The following SH3RF3 variants were observed in gnomAD, a reference collection of about 807,000 sequenced individuals.
The protein encoded by SH3RF3 is E3 ubiquitin-protein ligase SH3RF3.
A neutral mutation model predicts 66.3 loss-of-function variants in SH3RF3; 29 were observed. The ratio of observed to expected loss-of-function variants is 0.44; its 90% CI spans 0.33 to 0.60. SH3RF3 has a LOEUF of 0.60. Among genes scored for constraint, SH3RF3 ranks in the 20% least tolerant of loss-of-function variants. The probability of loss-of-function intolerance (pLI) is 0.04; values close to 1 mark genes in which losing one functional copy is unlikely to be tolerated. For missense variants in SH3RF3, 1,194 were observed against 1,190.9 expected (o/e 1.00, Z -0.04); for synonymous variants, 583 against 532.0 (o/e 1.10, Z -1.32).
chr2:109,199,583 G>GAACCCGTGT (rs1678602807), intron 1 of SH3RF3, among the ~76,000 whole-genome samples: 1 of 238 alleles, frequency 4.2e-3, no homozygotes, highest in African/African-American at 0.014. Context: ...GGAATGGAAT[G>GAACCCGTGT]GAATGGAATG....
At chr2:109,197,956 G>A (rs1471507851) in intron 1 of SH3RF3, among the ~76,000 whole-genome samples, 3 of 152,230 alleles carry the variant, frequency 2.0e-5, no homozygotes, top group East Asian at 3.8e-4. Context: ...TGGCATCTGG[G>A]TGAGGCCCAG....
chr2:109,470,843 C>T (rs2104723078), intron 8 of SH3RF3, among the ~76,000 whole-genome samples: 1 of 152,370 alleles, frequency 6.6e-6, no homozygotes. Context: ...CATTTCATTC[C>T]TTCTTCCTCA....
chr2:109,178,866 A>G (rs1311107104), intron 1 of SH3RF3, among the ~76,000 whole-genome samples: 1 of 152,250 alleles, frequency 6.6e-6, no homozygotes, highest in Non-Finnish European at 1.5e-5. Context: ...TTAATAAATG[A>G]ATTAAATGAT....
intron 2 of SH3RF3, among the ~76,000 whole-genome samples, chr2:109,363,231 C>CT (rs1683087600): frequency 6.6e-6 from 1 of 151,858 alleles, no homozygotes; most frequent in Non-Finnish European, 1.5e-5. Flanking sequence ...AGTTGTACCT[C>CT]TTTTTTTACT....
chr2:109,321,729 A>G (rs1268221818), intron 1 of SH3RF3, among the ~76,000 whole-genome samples: 1 of 152,234 alleles, frequency 6.6e-6, no homozygotes, highest in African/African-American at 2.4e-5. Context: ...ACTCAAGTAT[A>G]GACAGATTTT....
chr2:109,360,212 C>T (rs1017129480), intron 2 of SH3RF3, among the ~76,000 whole-genome samples: 1 of 152,160 alleles, frequency 6.6e-6, no homozygotes, highest in Non-Finnish European at 1.5e-5. Context: ...CTTAGTTACT[C>T]TGAACATGTA....
intron 1 of SH3RF3, among the ~76,000 whole-genome samples, chr2:109,226,498 A>ACTACATAAGAC (rs1245931756): frequency 6.6e-6 from 1 of 152,160 alleles, no homozygotes; most frequent in Non-Finnish European, 1.5e-5. Flanking sequence ...ATAAACCAAA[A>ACTACATAAGAC]ATAAACTGTA....
At chr2:109,436,805 C>G (rs1677412655) in intron 6 of SH3RF3, 88 bp from the exon 7 acceptor site, 1 of 1,500,172 alleles carries the variant, frequency 6.7e-7, no homozygotes, top group South Asian at 1.3e-5. Flanking sequence ...TTAAAGCCAG[C>G]AGGTCAGAGC....
At chr2:109,284,162 G>C (rs1008110830) in intron 1 of SH3RF3, among the ~76,000 whole-genome samples, 1 of 152,196 alleles carries the variant, frequency 6.6e-6, no homozygotes, top group African/African-American at 2.4e-5. Context: ...ACAGAGGGGC[G>C]GTCCCAGGGG....
chr2:109,260,395 C>G (rs556331801), intron 1 of SH3RF3, among the ~76,000 whole-genome samples: 1 of 152,294 alleles, frequency 6.6e-6, no homozygotes, highest in African/African-American at 2.4e-5. Flanking sequence ...ACCACCAAAG[C>G]AGGAGAGCAG....
chr2:109,219,049 C>T (rs1420464344), intron 1 of SH3RF3, among the ~76,000 whole-genome samples: 1 of 152,026 alleles, frequency 6.6e-6, no homozygotes, highest in Non-Finnish European at 1.5e-5. Context: ...GGGCTCAGTC[C>T]TCATTTAGCT....
intron 4 of SH3RF3, among the ~76,000 whole-genome samples, chr2:109,407,978 TC>T (rs1399560802): frequency 2.0e-5 from 3 of 152,274 alleles, no homozygotes; most frequent in South Asian, 2.1e-4. Context: ...AGGAACCAGA[TC>T]CACGGGTTTC....
intron 3 of SH3RF3, among the ~76,000 whole-genome samples, chr2:109,390,217 GC>G (rs1675948577): frequency 6.6e-6 from 1 of 152,176 alleles, no homozygotes; most frequent in Non-Finnish European, 1.5e-5. Context: ...AATAAGTGAT[GC>G]CCTTCACACA....
rs541271717 is a variant in SH3RF3, at chr2:109,370,712, C to T, written c.850-874C>T. Among the ~76,000 whole-genome samples the T allele has an allele frequency of 1.8e-3, 277 of 152,260 alleles. 2 individuals carry two copies. Among genetic ancestry groups the T allele is most frequent in the Non-Finnish European group, 2.7e-3 (187 of 68,032 alleles). ...TGTGACAGTGTCCTATTTCCTTCCTCGATGACTGCTCATCTCCCAGTCTCA... is the reference window on the plus strand; with the variant it reads ...TGTGACAGTGTCCTATTTCCTTCCTTGATGACTGCTCATCTCCCAGTCTCA... On this transcript the variant is annotated intron_variant, in intron 2 of 9. Coordinates refer to ENST00000309415, the MANE Select transcript of SH3RF3 (RefSeq NM_001099289.3).
intron 4 of SH3RF3, among the ~76,000 whole-genome samples, chr2:109,411,439 T>C (rs1676586041): frequency 6.6e-6 from 1 of 152,160 alleles, no homozygotes; most frequent in African/African-American, 2.4e-5. Context: ...TGGCCCCCAG[T>C]AGCGTGCTGC....
intron 1 of SH3RF3, among the ~76,000 whole-genome samples, chr2:109,225,444 C>T (rs1679352514): frequency 1.3e-5 from 2 of 152,322 alleles, no homozygotes; most frequent in South Asian, 4.1e-4. Flanking sequence ...ACACAAACAA[C>T]TCCCTTTAAA....
At chr2:109,282,326 G>C (rs1387603451) in intron 1 of SH3RF3, among the ~76,000 whole-genome samples, 1 of 152,146 alleles carries the variant, frequency 6.6e-6, no homozygotes, top group Non-Finnish European at 1.5e-5. Context: ...CAAGTTGTCT[G>C]CATTTTCTTA....
At chr2:109,400,464 T>A (rs543070460) in intron 4 of SH3RF3, among the ~76,000 whole-genome samples, 4 of 151,812 alleles carry the variant, frequency 2.6e-5, no homozygotes, top group African/African-American at 9.7e-5. Flanking sequence ...TGCACACACA[T>A]ACACATGTGC....
At chr2:109,316,173 G>A (rs1016659386) in intron 1 of SH3RF3, among the ~76,000 whole-genome samples, 2 of 152,198 alleles carry the variant, frequency 1.3e-5, no homozygotes, top group Admixed American at 6.5e-5. Flanking sequence ...TGGTTTTGCT[G>A]AACTTTTGGG....
Sources: allele counts gnomAD v4.1 joint callset (sites outside exome capture counted in the v4.1 genomes callset), GRCh38; gene constraint gnomAD v4.1.1; transcripts MANE v1.5; gene names NCBI Gene and HGNC (gene_info 2026-07-23, HGNC 2026-07-21).